The following MDN1 variants were observed in gnomAD, a reference collection of about 807,000 sequenced individuals.
MDN1 encodes midasin.
A neutral mutation model predicts 669.2 loss-of-function variants in MDN1; 266 were observed. That is an observed-to-expected ratio of 0.40 (90% confidence interval 0.36 to 0.44). MDN1 has a LOEUF of 0.44. MDN1 is among the 20% of genes least tolerant of loss of function. The pLI is 1.00. For synonymous variants in MDN1, 2,385 were observed against 2,457.1 expected (o/e 0.97, Z 0.87); for missense variants, 5,940 against 6,754.0 (o/e 0.88, Z 4.22).
rs565510120 is a variant in MDN1 at position 89,669,923 on chromosome 6, G to T, written c.13956+996C>A. On this transcript the variant is annotated intron_variant, in intron 83 of 101. Transcript: ENST00000369393. ...GACTTCCCTGCTAAAGAAAAAAACTGGCTGGGCGCAGTGGCTTACACATGT... is the reference window on the plus strand; with the variant it reads ...GACTTCCCTGCTAAAGAAAAAAACTTGCTGGGCGCAGTGGCTTACACATGT... Among the ~76,000 whole-genome samples, 11 of 151,690 alleles carry T rather than the reference G, an allele frequency of 7.3e-5. No individual in the cohort carries two copies. The South Asian group carries it at 2.3e-3, about 32-fold the overall frequency.
chr6:89,707,419 A>G lies in MDN1; in HGVS notation c.7956T>C (p.Ser2652=), dbSNP rs1453170490. The part of the protein sequence containing the change: ...KRVFTEANLV[S]VGSKKLRESV... ...TCTCTCTTAGCTTTTTGCTACCAAC[A>G]GAAACCAAATTTGCTTCAGTAAAAA... is the stretch of plus-strand genomic sequence containing the variant. Residue 2652 remains serine, a synonymous_variant, in exon 52 of 102, where the codon TCT becomes TCC. Coordinates refer to ENST00000369393, the MANE Select transcript of MDN1 (RefSeq NM_014611.3). 1.2e-6 allele frequency: 2 copies of G among 1,614,032 alleles called. No individual in the cohort carries two copies. Among genetic ancestry groups the G allele is most frequent in the African/African-American group, 2.7e-5 (2 of 74,924 alleles).
chr6:89,789,486 G>C (rs1208568665), intron 7 of MDN1, among the ~76,000 whole-genome samples: 1 of 152,070 alleles, frequency 6.6e-6, no homozygotes. Context: ...GGAAAATGTT[G>C]ATCTCATATT....
intron 9 of MDN1, among the ~76,000 whole-genome samples, chr6:89,782,010 A>G (rs1252116208): frequency 6.6e-6 from 1 of 151,966 alleles, no homozygotes; most frequent in South Asian, 2.1e-4. Context: ...TAAAAATGAA[A>G]AGAAATTTTG....
Position 89,643,108 on chromosome 6 carries a change from A to T in MDN1, c.*897T>A, listed in dbSNP as rs889249088. ...TAAAGATCAGTTTCTTTCGACTGGA[A>T]AAAATAGATGGAGCTGCTGAGTTCT... On this transcript the variant is annotated 3_prime_UTR_variant, in exon 102 of 102. Coordinates refer to ENST00000369393, the MANE Select transcript of MDN1 (RefSeq NM_014611.3). 3.9e-5 allele frequency: 6 copies of T among 152,372 alleles called. 1 individual carries two copies. The highest frequency in any genetic ancestry group is 2.6e-4 in the Admixed American group (4 of 15,306). 9.4% of individuals were successfully genotyped at this position (152,372 alleles called of 1,614,324 possible). A position where few individuals can be genotyped will look rare whatever the true frequency, so the allele number is the denominator to read the frequency against.
At position 89,648,266 on chromosome 6, in the gene MDN1, C is replaced by G; in HGVS notation, c.16270G>C (p.Ala5424Pro). The change falls in exon 98 of 102, where the codon GCA (alanine) becomes CCA (proline). Residue 5424 changes from alanine (A) to proline (P), a missense_variant. This residue lies in a region of MDN1 where 2,280 missense variants were observed against 2,576.3 expected (regional missense o/e 0.88). Coordinates refer to ENST00000369393, the MANE Select transcript of MDN1 (RefSeq NM_014611.3). ...ACAAAGCAACCTTACCTACACACTG[C>G]AATCTGACCCACTTCCAGGAGGGTT... ...ALTLLEVGQIAVCSFGESVKL... is the reference protein window; with the variant it reads ...ALTLLEVGQIPVCSFGESVKL... 2 of 1,614,074 alleles carry G rather than the reference C, an allele frequency of 1.2e-6. No homozygotes were observed. Among genetic ancestry groups the G allele is most frequent in the Non-Finnish European group, 1.7e-6 (2 of 1,179,922 alleles).
chr6:89,675,348 A>G (rs1408956663), intron 78 of MDN1, 116 bp downstream of exon 78: 4 of 861,088 alleles, frequency 4.6e-6, no homozygotes, highest in Non-Finnish European at 7.1e-6. Flanking sequence ...TGGGCCTTAA[A>G]TTCATTTCAC....
Position 89,708,624 on chromosome 6 carries a change from T to G in MDN1, c.7770A>C (p.Glu2590Asp). 1 of 1,612,938 alleles carries G rather than the reference T, an allele frequency of 6.2e-7. No homozygotes were observed. Among genetic ancestry groups the G allele is most frequent in the Non-Finnish European group, 8.5e-7 (1 of 1,179,628 alleles). The change falls in exon 51 of 102, where the codon GAA becomes GAC. Residue 2590 changes from glutamate (E) to aspartate (D), a missense_variant. Physicochemically the swap from Glu to Asp is conservative, Grantham distance 45 (BLOSUM62 2). This residue lies in a region of MDN1 where 2,292 missense variants were observed against 2,638.3 expected (regional missense o/e 0.87). Coordinates refer to ENST00000369393, the MANE Select transcript of MDN1 (RefSeq NM_014611.3). ...ATCGGGGATCCAGAGGGATCACAAA[T>G]TCATCTAGTTTAAAAACAGAACAAA... is the stretch of plus-strand genomic sequence containing the variant. ...FKILQPNTTD[E>D]FVIPLDPRWN...
Position 89,690,772 on chromosome 6 carries a change from G to A in MDN1, c.10650C>T (p.Ser3550=), listed in dbSNP as rs771425299. The A allele has an allele frequency of 1.1e-5, 18 of 1,613,906 alleles. No individual in the cohort carries two copies. The highest frequency in any genetic ancestry group is 2.7e-5 in the African/African-American group (2 of 74,870). ...RIAQEKAEQE[S]GLYRYRSRNS... is the part of the protein sequence containing the mutation. Reference sequence around the variant, plus strand: ...TCCTGCTCCTGTATCTATACAGGCCGCTTTCCTGCTCAGCCTTCTCTTGGG... The same window carrying A: ...TCCTGCTCCTGTATCTATACAGGCCACTTTCCTGCTCAGCCTTCTCTTGGG... Residue 3550 remains serine (S), a synonymous_variant, in exon 64 of 102, where the codon AGC becomes AGT. Transcript: ENST00000369393.
intron 3 of MDN1, 27 bp from the exon 4 acceptor site, chr6:89,794,234 C>G (rs749905715): frequency 1.0e-5 from 13 of 1,283,152 alleles, no homozygotes; most frequent in Middle Eastern, 1.9e-4. Context: ...TATGTAAATT[C>G]AGTTTATCTG....
chr6:89,707,518 A>G (rs1453455807), intron 51 of MDN1, 42 bp from the exon 52 acceptor site: 1 of 1,244,492 alleles, frequency 8.0e-7, no homozygotes, highest in African/African-American at 1.5e-5. Flanking sequence ...GCTATCGGTT[A>G]ATAACATTTT....
chr6:89,810,761 G>C (rs983492564), intron 1 of MDN1, among the ~76,000 whole-genome samples: 4 of 152,188 alleles, frequency 2.6e-5, no homozygotes, highest in African/African-American at 9.6e-5. Context: ...ACTCTCGGAG[G>C]CTGAGGTGGA....
chr6:89,698,534 T>A (rs1044231106), intron 59 of MDN1, among the ~76,000 whole-genome samples: 2 of 152,260 alleles, frequency 1.3e-5, no homozygotes, highest in South Asian at 2.1e-4. Context: ...AACAGAAGGA[T>A]ATAGAACAGA....
intron 22 of MDN1, among the ~76,000 whole-genome samples, chr6:89,752,436 A>T (rs190482717): frequency 9.0e-4 from 137 of 152,338 alleles, no homozygotes; most frequent in Middle Eastern, 3.4e-3. Context: ...ACGATTTTTT[A>T]AAAGGCTGAG....
rs1274183081 is a variant in MDN1, at chr6:89,678,218, G to A, written c.12412+381C>T. On this transcript the variant is annotated intron_variant, in intron 75 of 101. Coordinates refer to ENST00000369393, the MANE Select transcript of MDN1 (RefSeq NM_014611.3). ...ACCCAGGAGGCAGAGGTTGCAGTGA[G>A]CCAAAATCACGCCATTGCACTCCAG... is the stretch of plus-strand genomic sequence containing the variant. Among the ~76,000 whole-genome samples, 3 of 152,178 alleles carry A rather than the reference G, an allele frequency of 2.0e-5. No homozygotes were observed. The East Asian group carries it at 5.8e-4, about 29-fold the overall frequency.
intron 87 of MDN1, 92 bp downstream of exon 87, chr6:89,661,995 G>A (rs2039404378): frequency 7.6e-6 from 11 of 1,452,468 alleles, no homozygotes; most frequent in Non-Finnish European, 1.0e-5. Context: ...GACGAACAGG[G>A]GAAAAAATAT....
rs149771603 is a variant in MDN1, at chr6:89,699,587, A to G, written c.8997+14T>C. On this transcript the variant is annotated intron_variant, in intron 58 of 101. Coordinates refer to ENST00000369393, the MANE Select transcript of MDN1 (RefSeq NM_014611.3). The stretch of plus-strand genomic sequence containing the variant: ...ATAATGTAAAGGAGGCTTATGTCTT[A>G]TTGTGATTTTTACCTTCTGATGATG... 1 of 1,609,540 alleles carries G rather than the reference A, an allele frequency of 6.2e-7. No individual in the cohort carries two copies. The highest frequency in any genetic ancestry group is 8.5e-7 in the Non-Finnish European group (1 of 1,178,114).
At chr6:89,770,358 C>T (rs1447450602) in intron 15 of MDN1, among the ~76,000 whole-genome samples, 2 of 149,202 alleles carry the variant, frequency 1.3e-5, no homozygotes, top group Non-Finnish European at 3.0e-5. Context: ...GAGCAGAGAT[C>T]GCGCCACCGC....
intron 53 of MDN1, among the ~76,000 whole-genome samples, chr6:89,703,009 C>G (rs1224216916): frequency 6.6e-6 from 1 of 151,466 alleles, no homozygotes; most frequent in South Asian, 2.1e-4. Context: ...AATCTCAGCT[C>G]ACTGCAACCT....
Position 89,677,449 on chromosome 6 carries a change from T to TA in MDN1, c.12539+120dup, listed in dbSNP as rs1584160754. On this transcript the variant is annotated intron_variant, in intron 76 of 101. Transcript: ENST00000369393. ...TCAGATCCTGAGCCAGGCACTTTTG[T>TA]AAGTGGTAGCCACAGTGGTATTGCT... The TA allele has an allele frequency of 1.6e-5, 20 of 1,279,632 alleles. No individual in the cohort carries two copies. In the East Asian group the frequency reaches 5.0e-4, roughly 32 times the overall value. 79.3% of individuals were successfully genotyped at this position (1,279,632 alleles called of 1,614,324 possible). A position where few individuals can be genotyped will look rare whatever the true frequency, so the allele number is the denominator to read the frequency against.
Sources: allele counts gnomAD v4.1 joint callset (sites outside exome capture counted in the v4.1 genomes callset), GRCh38; gene constraint gnomAD v4.1.1; regional missense constraint gnomAD v4.1.1; transcripts MANE v1.5; gene names NCBI Gene and HGNC (gene_info 2026-07-23, HGNC 2026-07-21).